Variants in DYNLT2 observed in about 807,000 individuals in gnomAD.
The protein encoded by DYNLT2 is dynein light chain Tctex-type 2.
Under a neutral mutation model 24.3 loss-of-function variants are expected in DYNLT2, and 24 were observed. The observed-to-expected ratio is 0.99, with a 90% CI of 0.71 to 1.39. DYNLT2 has a LOEUF of 1.39. Ranked by LOEUF, DYNLT2 falls within the 40% of genes most tolerant of loss-of-function variation. The pLI is 0.00. For synonymous variants in DYNLT2, 85 were observed against 85.4 expected (o/e 1.00, Z 0.03); for missense variants, 246 against 234.5 (o/e 1.05, Z -0.32).
chr6:169,727,564 G>GTT, the DYNLT2 span, among the ~76,000 whole-genome samples: 25,326 of 151,500 alleles, frequency 0.17, 2,508 homozygotes, highest in East Asian at 0.29. Flanking sequence ...TTGTTTTTTT[G>GTT]TTTTTTTGTT....
At chr6:169,726,424 A>G in the DYNLT2 span, among the ~76,000 whole-genome samples, 2 of 152,188 alleles carry the variant, frequency 1.3e-5, no homozygotes, top group African/African-American at 2.4e-5. Context: ...TAGATGTGCA[A>G]TGGAAGTAGA....
At chr6:169,737,902 C>T (rs1293960803), downstream of DYNLT2, among the ~76,000 whole-genome samples, 3 of 152,178 alleles carry the variant, frequency 2.0e-5, no homozygotes, top group African/African-American at 7.2e-5. Flanking sequence ...CTCAGAACTA[C>T]CAGGAGGAGA....
chr6:169,734,739 G>A, the DYNLT2 span, among the ~76,000 whole-genome samples: 1 of 152,080 alleles, frequency 6.6e-6, no homozygotes, highest in Non-Finnish European at 1.5e-5. Flanking sequence ...ATATTGGCCT[G>A]AAGTTTTCTT....
At position 169,751,542 on chromosome 6, in the gene DYNLT2, T is replaced by G; in HGVS notation, c.-84A>C. ...CTAGCCAGTCCCGCGAGGGCGGAAG[T>G]CTCCCACCTGCGCCTCGTACGGTAG... is the stretch of plus-strand genomic sequence containing the variant. On this transcript the variant is annotated 5_prime_UTR_variant, in exon 1 of 4. Coordinates refer to ENST00000366774, the MANE Select transcript of DYNLT2 (RefSeq NM_174910.3). The G allele has an allele frequency of 6.2e-7, 1 of 1,610,336 alleles. No homozygotes were observed. The highest frequency in any genetic ancestry group is 1.7e-4 in the Middle Eastern group (1 of 6,020).
intron 3 of DYNLT2, among the ~76,000 whole-genome samples, chr6:169,742,355 C>G (rs1322065295): frequency 6.6e-6 from 1 of 152,122 alleles, no homozygotes; most frequent in Non-Finnish European, 1.5e-5. Flanking sequence ...TTACATTATC[C>G]CTATCATTTT....
chr6:169,745,324 G>A (rs1789772799), intron 1 of DYNLT2, among the ~76,000 whole-genome samples: 1 of 152,022 alleles, frequency 6.6e-6, no homozygotes, highest in Non-Finnish European at 1.5e-5. Flanking sequence ...GTATGGTCTT[G>A]ATCTCCTGAC....
chr6:169,730,840 G>A, the DYNLT2 span, among the ~76,000 whole-genome samples: 1 of 152,348 alleles, frequency 6.6e-6, no homozygotes, highest in African/African-American at 2.4e-5. Flanking sequence ...GGAGCTTGCA[G>A]TGAGCCGATG....
chr6:169,751,468 T>C lies in DYNLT2; in HGVS notation c.-10A>G. On this transcript the variant is annotated 5_prime_UTR_variant, in exon 1 of 4. Transcript: ENST00000366774. Reference sequence around the variant, plus strand: ...GGCCTCGCTTCTCCATCTCGCTCTGTTCTCCAAGACGCCCACCGCCTCCCC... The same window carrying C: ...GGCCTCGCTTCTCCATCTCGCTCTGCTCTCCAAGACGCCCACCGCCTCCCC... 6.2e-7 allele frequency: 1 copy of C among 1,613,324 alleles called. No homozygotes were observed. Among genetic ancestry groups the C allele is most frequent in the Non-Finnish European group, 8.5e-7 (1 of 1,179,714 alleles).
At chr6:169,739,172 G>C (rs1789623334), downstream of DYNLT2, among the ~76,000 whole-genome samples, 1 of 150,612 alleles carries the variant, frequency 6.6e-6, no homozygotes, top group African/African-American at 2.4e-5. Context: ...CCTGCTAGAA[G>C]AGTCCCAATT....
At chr6:169,746,403 T>A (rs1053443934) in intron 1 of DYNLT2, among the ~76,000 whole-genome samples, 7 of 152,220 alleles carry the variant, frequency 4.6e-5, no homozygotes, top group African/African-American at 1.7e-4. Context: ...TTTGCTGCAC[T>A]CTACAAATTT....
downstream of DYNLT2, among the ~76,000 whole-genome samples, chr6:169,739,424 C>T (rs1393344794): frequency 2.0e-5 from 3 of 152,100 alleles, no homozygotes; most frequent in Non-Finnish European, 2.9e-5. Flanking sequence ...GGAATTACAA[C>T]TGGTCTAGTC....
chr6:169,750,285 A>T (rs1240276293), intron 1 of DYNLT2: 1 of 152,216 alleles, frequency 6.6e-6, no homozygotes, highest in East Asian at 1.9e-4. Context: ...CTCATTGCCA[A>T]GAAATACAGC....
At chr6:169,743,263 CTT>C in intron 2 of DYNLT2, 25 bp from the exon 3 acceptor site, 1 of 1,381,436 alleles carries the variant, frequency 7.2e-7, no homozygotes, top group Non-Finnish European at 9.6e-7. Context: ...AAGAAAAATA[CTT>C]TTATTTTCAA....
the DYNLT2 span, among the ~76,000 whole-genome samples, chr6:169,726,956 G>A: frequency 3.3e-5 from 5 of 151,892 alleles, no homozygotes; most frequent in African/African-American, 9.7e-5. Flanking sequence ...AGACCAAGAA[G>A]TCCAAAGGTA....
At chr6:169,730,957 C>T in the DYNLT2 span, among the ~76,000 whole-genome samples, 1 of 152,098 alleles carries the variant, frequency 6.6e-6, no homozygotes, top group Non-Finnish European at 1.5e-5. Flanking sequence ...CTAGTGGGGT[C>T]AGGTGATACT....
chr6:169,749,859 T>G (rs1789914545), intron 1 of DYNLT2: 1 of 152,176 alleles, frequency 6.6e-6, no homozygotes, highest in African/African-American at 2.4e-5. Flanking sequence ...AAACAGTATG[T>G]CTTAAATTTT....
chr6:169,737,896 G>A (rs1016818581), downstream of DYNLT2, among the ~76,000 whole-genome samples: 1 of 152,192 alleles, frequency 6.6e-6, no homozygotes, highest in African/African-American at 2.4e-5. Context: ...GGATTACTCA[G>A]AACTACCAGG....
downstream of DYNLT2, among the ~76,000 whole-genome samples, chr6:169,735,183 A>G (rs915924137): frequency 6.6e-6 from 1 of 151,206 alleles, no homozygotes; most frequent in African/African-American, 2.4e-5. Context: ...CTCTCTTCTT[A>G]TTAATCTAGC....
At chr6:169,749,599 C>T (rs1307975388) in intron 1 of DYNLT2, 1 of 152,248 alleles carries the variant, frequency 6.6e-6, no homozygotes, top group Non-Finnish European at 1.5e-5. Flanking sequence ...ACACAGGGAA[C>T]ACTTTAGCTT....
Sources: gnomAD v4.1 joint callset for allele counts (sites outside exome capture counted in the v4.1 genomes callset) on GRCh38, gnomAD v4.1.1 for gene constraint, MANE v1.5 for transcripts, NCBI Gene and HGNC (gene_info 2026-07-23, HGNC 2026-07-21) for gene names.